SLC44A5: variants seen among roughly 807,000 people sequenced by gnomAD.
SLC44A5 encodes the protein solute carrier family 44 member 5.
Under a neutral mutation model 101.8 loss-of-function variants are expected in SLC44A5, and 57 were observed. The ratio of observed to expected loss-of-function variants is 0.56; its 90% CI spans 0.45 to 0.70. SLC44A5 has a LOEUF of 0.70. Ranked by LOEUF, SLC44A5 falls within the 30% of genes least tolerant of loss-of-function variation. The pLI is 0.00. For synonymous variants in SLC44A5, 281 were observed against 290.9 expected (o/e 0.97, Z 0.35); for missense variants, 737 against 853.1 (o/e 0.86, Z 1.70).
At chr1:75,392,625 T>C (rs1281257170) in intron 3 of SLC44A5, among the ~76,000 whole-genome samples, 1 of 152,158 alleles carries the variant, frequency 6.6e-6, no homozygotes, top group Non-Finnish European at 1.5e-5. Context: ...ATAGAACTAC[T>C]GCTCAACCTA....
chr1:75,654,825 ACTCTTT>A, the SLC44A5 span, among the ~76,000 whole-genome samples: 2 of 151,840 alleles, frequency 1.3e-5, no homozygotes, highest in Admixed American at 1.3e-4. Flanking sequence ...TATTATTAAT[ACTCTTT>A]CTCTTTCTAT....
chr1:75,514,973 A>G (rs1335198659), intron 2 of SLC44A5, among the ~76,000 whole-genome samples: 1 of 152,202 alleles, frequency 6.6e-6, no homozygotes, highest in East Asian at 1.9e-4. Flanking sequence ...TTATTGAACT[A>G]TATTAGGATC....
At chr1:75,695,523 G>C in the SLC44A5 span, among the ~76,000 whole-genome samples, 1 of 151,884 alleles carries the variant, frequency 6.6e-6, no homozygotes. Flanking sequence ...CTGTTAATGA[G>C]CTAGAACTGA....
chr1:75,719,073 A>T, the SLC44A5 span, among the ~76,000 whole-genome samples: 4,708 of 152,226 alleles, frequency 0.031, 245 homozygotes, highest in African/African-American at 0.11. Context: ...TGCTTGGGGA[A>T]TTGAAGTTGA....
chr1:75,239,561 C>G (rs1197113413), intron 9 of SLC44A5, among the ~76,000 whole-genome samples: 2 of 152,024 alleles, frequency 1.3e-5, no homozygotes, highest in Non-Finnish European at 2.9e-5. Context: ...CTGCTCACCT[C>G]TAGCCTCTGC....
intron 2 of SLC44A5, among the ~76,000 whole-genome samples, chr1:75,535,702 G>A (rs1032296153): frequency 6.6e-6 from 1 of 152,150 alleles, no homozygotes; most frequent in African/African-American, 2.4e-5. Flanking sequence ...AGGAAACACT[G>A]GAGAACTCTA....
chr1:75,678,775 G>A, the SLC44A5 span, among the ~76,000 whole-genome samples: 2 of 152,098 alleles, frequency 1.3e-5, no homozygotes, highest in East Asian at 1.9e-4. Flanking sequence ...TGACTTTGAC[G>A]AGCTGAGAGA....
At chr1:75,639,526 G>A in the SLC44A5 span, among the ~76,000 whole-genome samples, 5 of 152,026 alleles carry the variant, frequency 3.3e-5, no homozygotes, top group Admixed American at 6.6e-5. Flanking sequence ...CTGTTATTCC[G>A]ATAAGCCTCT....
At chr1:75,550,157 A>G (rs997823989) in intron 1 of SLC44A5, among the ~76,000 whole-genome samples, 1 of 152,170 alleles carries the variant, frequency 6.6e-6, no homozygotes, top group Non-Finnish European at 1.5e-5. Flanking sequence ...AAGTGGAAAC[A>G]ACCCAAATGT....
the SLC44A5 span, among the ~76,000 whole-genome samples, chr1:75,707,211 T>C: frequency 1.3e-5 from 2 of 152,172 alleles, no homozygotes; most frequent in Admixed American, 6.5e-5. Context: ...GGCTGACAGA[T>C]GAAATGAGTA....
At position 75,469,924 on chromosome 1, in the gene SLC44A5, A is replaced by AAG. The variant is rs1667015982; in HGVS notation, c.13+71510_13+71511insCT. Among the ~76,000 whole-genome samples, 7 of 146,632 alleles carry AAG rather than the reference A, an allele frequency of 4.8e-5. No homozygotes were observed. In the South Asian group the frequency reaches 1.5e-3, roughly 32 times the overall value. On this transcript the variant is annotated intron_variant, in intron 2 of 23. Coordinates refer to ENST00000370859, the MANE Select transcript of SLC44A5 (RefSeq NM_001130058.2). ...AGAAAAAAAAAAAAAAAAAAAAAAA[A>AAG]GTAGAGTCAACGTATCCTGACTCCC...
intron 1 of SLC44A5, among the ~76,000 whole-genome samples, chr1:75,568,825 G>A (rs1251282810): frequency 6.6e-6 from 1 of 152,082 alleles, no homozygotes; most frequent in Non-Finnish European, 1.5e-5. Context: ...CCTTCACAGA[G>A]GAATCTAATG....
chr1:75,524,390 G>A (rs373064294), intron 2 of SLC44A5, among the ~76,000 whole-genome samples: 1 of 152,138 alleles, frequency 6.6e-6, no homozygotes, highest in Non-Finnish European at 1.5e-5. Flanking sequence ...AGCAGTGTGA[G>A]AATGAACTAA....
At chr1:75,329,651 C>A (rs1436328003) in intron 4 of SLC44A5, among the ~76,000 whole-genome samples, 1 of 152,062 alleles carries the variant, frequency 6.6e-6, no homozygotes, top group Non-Finnish European at 1.5e-5. Context: ...AATCTGGAAT[C>A]CTCCTTAACC....
chr1:75,685,608 A>G, the SLC44A5 span, among the ~76,000 whole-genome samples: 3 of 152,188 alleles, frequency 2.0e-5, no homozygotes, highest in Non-Finnish European at 2.9e-5. Context: ...GGTCAAAGCC[A>G]TTCAACAAGT....
intron 3 of SLC44A5, among the ~76,000 whole-genome samples, chr1:75,394,331 C>T (rs532995879): frequency 4.5e-4 from 69 of 152,216 alleles, no homozygotes; most frequent in African/African-American, 1.6e-3. Context: ...AGATACAACT[C>T]CAGTTGGAGT....
At chr1:75,233,905 G>T in intron 12 of SLC44A5, 81 bp downstream of exon 12, 1 of 1,050,078 alleles carries the variant, frequency 9.5e-7, no homozygotes, top group South Asian at 1.5e-5. Flanking sequence ...GAAAACAAAT[G>T]CTTTCTGGTA....
chr1:75,227,631 A>G, intron 13 of SLC44A5, 95 bp downstream of exon 13: 1 of 955,480 alleles, frequency 1.0e-6, no homozygotes, highest in African/African-American at 1.7e-5. Flanking sequence ...TGATAAATAC[A>G]TTTAACAGGT....
intron 5 of SLC44A5, among the ~76,000 whole-genome samples, chr1:75,285,889 C>G (rs961870331): frequency 6.6e-6 from 1 of 151,948 alleles, no homozygotes. Flanking sequence ...TGTGGCCTAT[C>G]GTATGGTCTA....
Sources: allele counts gnomAD v4.1 joint callset (sites outside exome capture counted in the v4.1 genomes callset), GRCh38; gene constraint gnomAD v4.1.1; transcripts MANE v1.5; gene names NCBI Gene and HGNC (gene_info 2026-07-23, HGNC 2026-07-21).